RXRA: variants seen among roughly 807,000 people sequenced by gnomAD.
RXRA encodes retinoic acid receptor RXR-alpha.
In RXRA, 5 loss-of-function variants were observed where a neutral mutation model predicts 44.5. The ratio of observed to expected loss-of-function variants is 0.11; its 90% confidence interval spans 0.06 to 0.24. RXRA has a LOEUF of 0.24. Among genes scored for constraint, RXRA ranks in the 10% least tolerant of loss-of-function variants. RXRA has a pLI of 1.00. For missense variants in RXRA, 412 were observed against 646.5 expected, an observed-to-expected ratio of 0.64 and a Z score of 3.93; for synonymous variants, 291 against 271.4, an observed-to-expected ratio of 1.07 and a Z score of -0.71.
intron 1 of RXRA, among the ~76,000 whole-genome samples, chr9:134,376,490 G>T (rs889550844): frequency 2.9e-4 from 28 of 95,542 alleles, no homozygotes; most frequent in African/African-American, 8.8e-4. Context: ...CTCCCCTGCC[G>T]CCCGCCACAC....
At position 134,417,485 on chromosome 9, in the gene RXRA, C is replaced by T. The variant is rs1162674005; in HGVS notation, c.780+158C>T. Among the ~76,000 whole-genome samples, 1 of 152,122 alleles carries T rather than the reference C, an allele frequency of 6.6e-6. No homozygotes were observed. The highest frequency in any genetic ancestry group is 1.5e-5 in the Non-Finnish European group (1 of 68,002). ...CTCGGCCTCTTACCTGAGGTGACCC[C>T]GTGGGCCCCTCGCCCCAGCTGGGCG... On this transcript the variant is annotated intron_variant, in intron 5 of 9. Coordinates refer to ENST00000481739, the MANE Select transcript of RXRA (RefSeq NM_002957.6). The surrounding 1 kb of genome is among the most constrained non-coding windows in gnomAD (Gnocchi z 6.1).
At chr9:134,385,535 G>A (rs1169844647) in intron 1 of RXRA, among the ~76,000 whole-genome samples, 5 of 152,142 alleles carry the variant, frequency 3.3e-5, no homozygotes, top group African/African-American at 7.2e-5. Flanking sequence ...CCCACAGGAC[G>A]CCCCCCAGGA....
At chr9:134,338,069 G>A (rs1227609691) in intron 1 of RXRA, among the ~76,000 whole-genome samples, 1 of 152,186 alleles carries the variant, frequency 6.6e-6, no homozygotes, top group Non-Finnish European at 1.5e-5. Context: ...GGCGGTCAGC[G>A]GCAGCCACAG....
At chr9:134,419,985 C>T (rs186191205) in intron 5 of RXRA, among the ~76,000 whole-genome samples, 150 of 152,324 alleles carry the variant, frequency 9.8e-4, no homozygotes, top group African/African-American at 3.3e-3. Flanking sequence ...TGCAGAGGTC[C>T]CAGCCAGCCC....
chr9:134,339,815 C>CTGTG (rs370094299), intron 1 of RXRA, among the ~76,000 whole-genome samples: 6 of 136,776 alleles, frequency 4.4e-5, no homozygotes, highest in East Asian at 2.3e-4. Flanking sequence ...GTGTAAGCCT[C>CTGTG]TGTGTGTGTG....
chr9:134,432,641 G>A (rs1831550907), intron 8 of RXRA, among the ~76,000 whole-genome samples: 1 of 152,266 alleles, frequency 6.6e-6, no homozygotes, highest in African/African-American at 2.4e-5. Context: ...TGCTGGCATG[G>A]GAGGGCCCCT....
intron 1 of RXRA, among the ~76,000 whole-genome samples, chr9:134,375,782 T>C (rs1830548192): frequency 1.3e-5 from 2 of 150,070 alleles, no homozygotes; most frequent in South Asian, 2.1e-4. Context: ...GAGGGCTGGC[T>C]TCTGGCAGGA....
intron 6 of RXRA, chr9:134,425,429 C>T: frequency 2.0e-6 from 2 of 985,186 alleles, no homozygotes; most frequent in Non-Finnish European, 1.2e-6. Flanking sequence ...TCCGTCCAAC[C>T]TCCTTCCCAC....
chr9:134,346,043 C>T (rs1338901081), intron 1 of RXRA, among the ~76,000 whole-genome samples: 1 of 152,078 alleles, frequency 6.6e-6, no homozygotes, highest in Non-Finnish European at 1.5e-5. Context: ...CAGCCTAGGC[C>T]ATTTCTGGGG....
intron 1 of RXRA, among the ~76,000 whole-genome samples, chr9:134,331,385 G>A (rs1206685011): frequency 7.2e-5 from 11 of 152,190 alleles, no homozygotes; most frequent in African/African-American, 2.7e-4. Flanking sequence ...GCTGTGGGGA[G>A]AGCGGGTGCG....
At chr9:134,372,378 A>G (rs1356747054) in intron 1 of RXRA, among the ~76,000 whole-genome samples, 1 of 152,008 alleles carries the variant, frequency 6.6e-6, no homozygotes, top group Non-Finnish European at 1.5e-5. Context: ...TGGGCCGATT[A>G]TGGGAGATGG....
chr9:134,336,834 C>G (rs1314081476), intron 1 of RXRA, among the ~76,000 whole-genome samples: 4 of 152,236 alleles, frequency 2.6e-5, no homozygotes, highest in African/African-American at 9.6e-5. Flanking sequence ...GTTGATTTCT[C>G]AAATCGTGAC....
rs116432065 is a variant in RXRA at position 134,373,321 on chromosome 9, C to T, written c.29-28311C>T. Among the ~76,000 whole-genome samples the T allele has an allele frequency of 9.6e-3, 1,464 of 152,182 alleles. 22 individuals are homozygous for T. The highest frequency in any genetic ancestry group is 0.032 in the African/African-American group (1,319 of 41,514). ...GACGCACTGAGTTATGGGCACCTGC[C>T]GTCTGCCAGGAACTGTGGTCCACGC... On this transcript the variant is annotated intron_variant, in intron 1 of 9. Coordinates refer to ENST00000481739, the MANE Select transcript of RXRA (RefSeq NM_002957.6).
rs1759777317 is a variant in RXRA at position 134,437,213 on chromosome 9, T to C, written c.*599T>C. The C allele has an allele frequency of 6.5e-6, 1 of 153,898 alleles. No homozygotes were observed. The highest frequency in any genetic ancestry group is 1.4e-5 in the Non-Finnish European group (1 of 68,992). 9.5% of individuals were successfully genotyped at this position (153,898 alleles called of 1,614,324 possible). On this transcript the variant is annotated 3_prime_UTR_variant, in exon 10 of 10. Transcript: ENST00000481739. The stretch of plus-strand genomic sequence containing the variant: ...CAAGCAAGCTGCCCTGTGCTCTGAG[T>C]GAGGGGGAAGGTAGCCCCTTTTTCC...
chr9:134,371,747 C>G (rs1356866927), intron 1 of RXRA, among the ~76,000 whole-genome samples: 3 of 152,186 alleles, frequency 2.0e-5, no homozygotes, highest in African/African-American at 7.2e-5. Flanking sequence ...TCTGCCTGTC[C>G]TGAGGATGAG....
rs916994964 is a variant in RXRA, at chr9:134,425,534, G to A, written c.911-3574G>A. ...CCTGGGTTGCACAGGCACCTCCTGC[G>A]TGGCGGCAGGGTGGGGGGTGGGGGG... On this transcript the variant is annotated intron_variant, in intron 6 of 9. Coordinates refer to ENST00000481739, the MANE Select transcript of RXRA (RefSeq NM_002957.6). The A allele has an allele frequency of 9.2e-5, 82 of 894,678 alleles. 1 individual carries two copies. In the South Asian group the frequency reaches 2.7e-3, roughly 30 times the overall value. The allele number at this position is 894,678 out of a possible 1,614,324, so 55.4% of individuals were successfully genotyped here. A position where few individuals can be genotyped will look rare whatever the true frequency, so the allele number is the denominator to read the frequency against.
At chr9:134,419,743 C>T (rs1831298052) in intron 5 of RXRA, among the ~76,000 whole-genome samples, 1 of 152,190 alleles carries the variant, frequency 6.6e-6, no homozygotes, top group African/African-American at 2.4e-5. Context: ...TTAATCCTTT[C>T]CCCAGGCCAC....
chr9:134,367,607 C>T (rs561832259), intron 1 of RXRA, among the ~76,000 whole-genome samples: 11 of 152,358 alleles, frequency 7.2e-5, no homozygotes, highest in African/African-American at 2.6e-4. Context: ...CGGTGCAGTG[C>T]GGTGACCCTC....
chr9:134,339,652 T>C (rs964024091), intron 1 of RXRA, among the ~76,000 whole-genome samples: 40 of 150,300 alleles, frequency 2.7e-4, no homozygotes, highest in East Asian at 1.9e-4. Context: ...TGTGTCTGTG[T>C]GTGTGCCTGT....
Sources: allele counts gnomAD v4.1 joint callset (sites outside exome capture counted in the v4.1 genomes callset), GRCh38; gene constraint gnomAD v4.1.1; non-coding constraint Gnocchi (gnomAD v3.1); transcripts MANE v1.5; gene names NCBI Gene and HGNC (gene_info 2026-07-23, HGNC 2026-07-21).